Variants in GFRAL observed in about 807,000 individuals in gnomAD.
GFRAL encodes the protein GDNF family receptor alpha-like.
A neutral mutation model predicts 45.4 loss-of-function variants in GFRAL; 36 were observed. The ratio of observed to expected loss-of-function variants is 0.79; its 90% CI spans 0.61 to 1.05. GFRAL has a LOEUF of 1.05. Ranked by LOEUF, GFRAL falls within the 50% of genes least tolerant of loss-of-function variation. GFRAL has a pLI of 0.00. For missense variants in GFRAL, 507 were observed against 467.5 expected (o/e 1.08, Z -0.78); for synonymous variants, 166 against 154.1 (o/e 1.08, Z -0.57).
At position 55,381,045 on chromosome 6, in the gene GFRAL, C is replaced by G. The variant is rs1768601467; in HGVS notation, c.953-18135C>G. 2.6e-5 allele frequency among the ~76,000 whole-genome samples: 4 copies of G among 152,042 alleles called. No individual in the cohort carries two copies. In the South Asian group the frequency reaches 8.3e-4, roughly 32 times the overall value. On this transcript the variant is annotated intron_variant, in intron 6 of 8. Transcript: ENST00000340465. ...CACTTTTCCTTTTTATAGATCTGCT[C>G]TCAAAAAGTTTGAGTAGTAGGAAAT... is the stretch of plus-strand genomic sequence containing the variant.
At chr6:55,343,732 T>A (rs970997903) in intron 3 of GFRAL, among the ~76,000 whole-genome samples, 13 of 152,020 alleles carry the variant, frequency 8.6e-5, no homozygotes, top group African/African-American at 2.9e-4. Context: ...AATCAATGAA[T>A]CCAGTAACTG....
chr6:55,377,201 CA>C (rs902276061), intron 6 of GFRAL, among the ~76,000 whole-genome samples: 30 of 152,084 alleles, frequency 2.0e-4, no homozygotes, highest in African/African-American at 7.0e-4. Context: ...TTCCAGCCCC[CA>C]ATAGGCAGTT....
In GFRAL at chr6:55,399,401, G is replaced by C; in HGVS notation, c.1081G>C (p.Val361Leu). ...AATCTATGCTGCCATGTGCATGACA[G>C]TCACCTGTGGAATCCTTCTGTTGGT... ...EVIYAAMCMT[V>L]TCGILLLVMV... The change falls in exon 8 of 9, where the codon GTC (valine) becomes CTC (leucine). Residue 361 changes from valine (V) to leucine (L), a missense_variant. By Grantham distance (32) the Val-to-Leu change is conservative. Transcript: ENST00000340465. The C allele has an allele frequency of 1.2e-6, 2 of 1,611,624 alleles. No homozygotes were observed. Among genetic ancestry groups the C allele is most frequent in the Non-Finnish European group, 1.7e-6 (2 of 1,177,906 alleles).
At chr6:55,355,984 C>CATG (rs1768189317) in intron 5 of GFRAL, among the ~76,000 whole-genome samples, 1 of 151,688 alleles carries the variant, frequency 6.6e-6, no homozygotes. Flanking sequence ...TTGAAAAGAT[C>CATG]ATGTTTTATG....
At chr6:55,399,836 C>T (rs537261214) in intron 8 of GFRAL, among the ~76,000 whole-genome samples, 32 of 152,062 alleles carry the variant, frequency 2.1e-4, no homozygotes, top group Admixed American at 4.6e-4. Context: ...TTGTATTTAC[C>T]TGAAGATGTA....
At chr6:55,380,799 C>T (rs1768598382) in intron 6 of GFRAL, among the ~76,000 whole-genome samples, 1 of 151,946 alleles carries the variant, frequency 6.6e-6, no homozygotes, top group South Asian at 2.1e-4. Flanking sequence ...GAAAGTCAAC[C>T]ATAGTTCTAT....
chr6:55,358,853 T>A (rs762090900), intron 5 of GFRAL, 35 bp from the exon 6 acceptor site: 2 of 1,597,948 alleles, frequency 1.3e-6, no homozygotes, highest in South Asian at 2.2e-5. Flanking sequence ...ATAACACTAT[T>A]CAAAACTAAT....
chr6:55,329,547 C>G (rs1383697251), intron 1 of GFRAL, among the ~76,000 whole-genome samples: 4 of 152,020 alleles, frequency 2.6e-5, no homozygotes, highest in African/African-American at 9.7e-5. Flanking sequence ...ATTTCTGGGT[C>G]TTTGGAAAAC....
In GFRAL at chr6:55,362,274, G is replaced by GAA. The variant is rs74432101; in HGVS notation, c.952+3148_952+3149dup. On this transcript the variant is annotated intron_variant, in intron 6 of 8. Coordinates refer to ENST00000340465, the MANE Select transcript of GFRAL (RefSeq NM_207410.2). ...GTTCTCCTGTTTGTGAAATGATAAT[G>GAA]AAAAAAAAAAAAACAGCAACAACAA... Among the ~76,000 whole-genome samples, 5 of 124,072 alleles carry GAA rather than the reference G, an allele frequency of 4.0e-5. No homozygotes were observed. The South Asian group carries it at 7.6e-4, about 19-fold the overall frequency. 81.4% of individuals were successfully genotyped at this position (124,072 alleles called of 152,430 possible).
At chr6:55,366,216 G>T (rs1231876454) in intron 6 of GFRAL, among the ~76,000 whole-genome samples, 1 of 151,814 alleles carries the variant, frequency 6.6e-6, no homozygotes, top group Non-Finnish European at 1.5e-5. Context: ...AGATTTTCTA[G>T]TTTATTTGTG....
At chr6:55,371,520 G>A (rs1768450195) in intron 6 of GFRAL, among the ~76,000 whole-genome samples, 1 of 152,012 alleles carries the variant, frequency 6.6e-6, no homozygotes, top group African/African-American at 2.4e-5. Context: ...CCCTTGCCTT[G>A]TTCCTGATCT....
At chr6:55,367,622 TG>T (rs1447116032) in intron 6 of GFRAL, among the ~76,000 whole-genome samples, 1 of 151,552 alleles carries the variant, frequency 6.6e-6, no homozygotes, top group East Asian at 1.9e-4. Flanking sequence ...CAGGAACTCT[TG>T]TAAGGCAGGC....
In GFRAL at chr6:55,393,001, G is replaced by A. The variant is rs567879519; in HGVS notation, c.953-6179G>A. 2.6e-5 allele frequency among the ~76,000 whole-genome samples: 4 copies of A among 152,264 alleles called. No homozygotes were observed. In the South Asian group the frequency reaches 6.2e-4, roughly 24 times the overall value. On this transcript the variant is annotated intron_variant, in intron 6 of 8. Coordinates refer to ENST00000340465, the MANE Select transcript of GFRAL (RefSeq NM_207410.2). ...TGTCGTACATAGCGTTTGCATATAC[G>A]TGTGTCTAGTAGAGGTAAGGATTAT...
intron 8 of GFRAL, among the ~76,000 whole-genome samples, chr6:55,400,040 A>G (rs988684020): frequency 6.6e-6 from 1 of 152,258 alleles, no homozygotes; most frequent in Admixed American, 6.5e-5. Context: ...CATGTGAGAC[A>G]TTGAGATGAG....
At chr6:55,380,523 C>G (rs1768594303) in intron 6 of GFRAL, among the ~76,000 whole-genome samples, 1 of 151,818 alleles carries the variant, frequency 6.6e-6, no homozygotes, top group African/African-American at 2.4e-5. Context: ...AAAAAGTTAT[C>G]CAGGTGGTTT....
chr6:55,345,715 G>C (rs1051589552), intron 3 of GFRAL, among the ~76,000 whole-genome samples: 1 of 152,102 alleles, frequency 6.6e-6, no homozygotes, highest in African/African-American at 2.4e-5. Flanking sequence ...AAACTAAAGA[G>C]CTTCTGTACA....
intron 2 of GFRAL, 80 bp downstream of exon 2, chr6:55,331,929 C>T: frequency 1.5e-6 from 2 of 1,318,694 alleles, no homozygotes; most frequent in South Asian, 2.8e-5. Flanking sequence ...TGTCATTATC[C>T]TAAGAACTAA....
chr6:55,333,760 T>C (rs1294484313), intron 2 of GFRAL, 26 bp from the exon 3 acceptor site: 1 of 1,523,130 alleles, frequency 6.6e-7, no homozygotes, highest in African/African-American at 1.4e-5. Flanking sequence ...GATTAATATC[T>C]ATAGTGTTAT....
chr6:55,391,820 T>C (rs1768757637), intron 6 of GFRAL, among the ~76,000 whole-genome samples: 1 of 152,192 alleles, frequency 6.6e-6, no homozygotes, highest in Admixed American at 6.5e-5. Context: ...TAGAGCTGGT[T>C]TTTAATCCAT....
Sources: allele counts gnomAD v4.1 joint callset (sites outside exome capture counted in the v4.1 genomes callset), GRCh38; gene constraint gnomAD v4.1.1; transcripts MANE v1.5; gene names NCBI Gene and HGNC (gene_info 2026-07-23, HGNC 2026-07-21).